PGCKA1: variants seen among roughly 807,000 people sequenced by gnomAD.
PGCKA1 encodes PDCD10 and GCKIII kinases-associated protein 1.
the PGCKA1 span, among the ~76,000 whole-genome samples, chr4:37,509,979 G>A: frequency 6.7e-6 from 1 of 150,314 alleles, no homozygotes; most frequent in Non-Finnish European, 1.5e-5. Flanking sequence ...GAGACCGTGG[G>A]AGAGGGAGAG....
At chr4:37,562,769 T>G in the PGCKA1 span, among the ~76,000 whole-genome samples, 4 of 152,196 alleles carry the variant, frequency 2.6e-5, no homozygotes, top group Non-Finnish European at 5.9e-5. Context: ...TATACTTGTC[T>G]CCTTTCCTGG....
At chr4:37,470,758 T>G in the PGCKA1 span, among the ~76,000 whole-genome samples, 34 of 152,334 alleles carry the variant, frequency 2.2e-4, no homozygotes, top group African/African-American at 7.9e-4. Flanking sequence ...TTTTCAAAGT[T>G]TTGGTGAACC....
chr4:37,564,044 G>A, the PGCKA1 span, among the ~76,000 whole-genome samples: 5,821 of 152,084 alleles, frequency 0.038, 286 homozygotes, highest in East Asian at 0.14. Flanking sequence ...AGGCTGGGAC[G>A]GGTGGATCAC....
the PGCKA1 span, chr4:37,558,106 T>G: frequency 6.6e-6 from 1 of 152,226 alleles, no homozygotes; most frequent in Non-Finnish European, 1.5e-5. Context: ...CATGCTTTGG[T>G]GAGAAAATCT....
the PGCKA1 span, among the ~76,000 whole-genome samples, chr4:37,509,556 G>C: frequency 6.6e-6 from 1 of 151,868 alleles, no homozygotes. Context: ...CTTCCCAGAC[G>C]GGGTGGCGGC....
At chr4:37,453,383 C>T in the PGCKA1 span, among the ~76,000 whole-genome samples, 2 of 152,082 alleles carry the variant, frequency 1.3e-5, no homozygotes, top group African/African-American at 4.8e-5. Context: ...AGGGTGCAGG[C>T]GAGTGTGTGC....
the PGCKA1 span, among the ~76,000 whole-genome samples, chr4:37,589,837 G>C: frequency 8.5e-5 from 13 of 152,138 alleles, no homozygotes; most frequent in African/African-American, 3.1e-4. Context: ...TCACCATGTC[G>C]GTCAGGCTGG....
chr4:37,501,166 C>T, the PGCKA1 span, among the ~76,000 whole-genome samples: 1 of 152,036 alleles, frequency 6.6e-6, no homozygotes, highest in African/African-American at 2.4e-5. Context: ...ATGATGTCAG[C>T]CAGTTATTAT....
chr4:37,523,063 A>G, the PGCKA1 span, among the ~76,000 whole-genome samples: 1 of 152,120 alleles, frequency 6.6e-6, no homozygotes, highest in African/African-American at 2.4e-5. Context: ...TAAGAGTTTC[A>G]GTCCTTATGG....
At chr4:37,496,859 G>A in the PGCKA1 span, among the ~76,000 whole-genome samples, 90 of 152,102 alleles carry the variant, frequency 5.9e-4, no homozygotes, top group African/African-American at 1.7e-3. Context: ...TTTTGTGGCC[G>A]TTGTGAATGG....
At chr4:37,489,003 G>A in the PGCKA1 span, among the ~76,000 whole-genome samples, 1 of 152,080 alleles carries the variant, frequency 6.6e-6, no homozygotes, top group African/African-American at 2.4e-5. Flanking sequence ...TCTCCTAAGC[G>A]GTTTCCTAAG....
chr4:37,477,356 G>T, the PGCKA1 span, among the ~76,000 whole-genome samples: 2 of 152,138 alleles, frequency 1.3e-5, no homozygotes, highest in Non-Finnish European at 2.9e-5. Context: ...ATACAGAGAT[G>T]GAAAGTAGAT....
chr4:37,460,887 G>A, the PGCKA1 span: 4 of 398,996 alleles, frequency 1.0e-5, no homozygotes, highest in South Asian at 3.7e-5. Context: ...TATTTTTGAC[G>A]ATTTCATCAT....
the PGCKA1 span, among the ~76,000 whole-genome samples, chr4:37,494,078 G>C: frequency 6.6e-6 from 1 of 151,962 alleles, no homozygotes; most frequent in East Asian, 1.9e-4. Flanking sequence ...TCCTTTCTTT[G>C]GGGTATATAA....
the PGCKA1 span, among the ~76,000 whole-genome samples, chr4:37,522,068 C>CT: frequency 6.6e-6 from 1 of 152,162 alleles, no homozygotes; most frequent in African/African-American, 2.4e-5. Context: ...CACCCAAGGC[C>CT]TATGGCCTTG....
chr4:37,531,321 G>T, the PGCKA1 span, among the ~76,000 whole-genome samples: 2 of 152,044 alleles, frequency 1.3e-5, no homozygotes, highest in African/African-American at 4.8e-5. Flanking sequence ...GTTAGTACTC[G>T]CTGGAAACTT....
At chr4:37,477,399 G>A in the PGCKA1 span, among the ~76,000 whole-genome samples, 2 of 152,160 alleles carry the variant, frequency 1.3e-5, no homozygotes, top group Non-Finnish European at 2.9e-5. Flanking sequence ...AGAGCAAGGG[G>A]ATTGGGCAAG....
At chr4:37,466,456 TCTTTATTTTAAGAA>T in the PGCKA1 span, among the ~76,000 whole-genome samples, 1 of 152,190 alleles carries the variant, frequency 6.6e-6, no homozygotes, top group African/African-American at 2.4e-5. Context: ...TAGTTGGTGG[TCTTTATTTTAAGAA>T]CAGTGAGAAG....
At chr4:37,506,534 G>T in the PGCKA1 span, among the ~76,000 whole-genome samples, 2 of 149,494 alleles carry the variant, frequency 1.3e-5, no homozygotes, top group African/African-American at 4.9e-5. Flanking sequence ...TTGAAACACT[G>T]GTCATTCAGG....
Sources: gnomAD v4.1 joint callset for allele counts (sites outside exome capture counted in the v4.1 genomes callset) on GRCh38, gnomAD v4.1.1 for gene constraint, MANE v1.5 for transcripts, NCBI Gene and HGNC (gene_info 2026-07-23, HGNC 2026-07-21) for gene names.